Variants in MDGA2 observed in about 807,000 individuals in gnomAD.
MDGA2 encodes the protein MAM domain containing glycosylphosphatidylinositol anchor 2, also known as MAM domain-containing glycosylphosphatidylinositol anchor protein 2.
MDGA2 carries 40 observed loss-of-function variants against 117.8 expected under a neutral mutation model. The observed-to-expected ratio is 0.34, with a 90% CI of 0.26 to 0.44. The LOEUF (loss-of-function observed/expected upper bound fraction) is 0.44, where lower values mean the gene tolerates loss of function less well. Among genes scored for constraint, MDGA2 ranks in the 20% least tolerant of loss-of-function variants. MDGA2 has a pLI of 1.00. For missense variants in MDGA2, 1,123 were observed against 1,250.6 expected, an observed-to-expected ratio of 0.90 and a Z score of 1.54; for synonymous variants, 452 against 439.0, an observed-to-expected ratio of 1.03 and a Z score of -0.37.
chr14:46,897,624 A>C (rs1310559313), intron 10 of MDGA2, among the ~76,000 whole-genome samples: 2 of 81,276 alleles, frequency 2.5e-5, no homozygotes, highest in African/African-American at 7.1e-5. Context: ...GAATTAATAT[A>C]TATAAAGCAC....
chr14:47,341,640 T>A (rs1890625710), intron 1 of MDGA2, among the ~76,000 whole-genome samples: 2 of 152,230 alleles, frequency 1.3e-5, no homozygotes, highest in South Asian at 4.1e-4. Context: ...AATTTAAAAA[T>A]GATCTCTGTA....
intron 3 of MDGA2, among the ~76,000 whole-genome samples, chr14:47,157,095 T>A (rs1034475279): frequency 1.6e-4 from 25 of 152,204 alleles, no homozygotes; most frequent in African/African-American, 6.0e-4. Flanking sequence ...CAGATATCAA[T>A]TCAAAAGCAC....
At chr14:47,599,480 C>G (rs1360046434) in intron 1 of MDGA2, among the ~76,000 whole-genome samples, 1 of 152,086 alleles carries the variant, frequency 6.6e-6, no homozygotes. Context: ...TAGAAAGTAG[C>G]ACTTGCTTAG....
At chr14:47,462,007 C>T (rs1893496942) in intron 1 of MDGA2, among the ~76,000 whole-genome samples, 1 of 152,142 alleles carries the variant, frequency 6.6e-6, no homozygotes, top group Admixed American at 6.5e-5. Flanking sequence ...GACAATTCAA[C>T]AGCTAACAAT....
At chr14:47,039,868 T>C (rs955240972) in intron 7 of MDGA2, among the ~76,000 whole-genome samples, 4 of 151,998 alleles carry the variant, frequency 2.6e-5, no homozygotes, top group Non-Finnish European at 4.4e-5. Flanking sequence ...TTGTATCTAA[T>C]TTTTATATAT....
intron 3 of MDGA2, among the ~76,000 whole-genome samples, chr14:47,209,004 G>T (rs1594723836): frequency 6.7e-6 from 1 of 149,052 alleles, no homozygotes; most frequent in South Asian, 2.1e-4. Context: ...GTTTTTATAA[G>T]AGTAACAACC....
At chr14:47,176,633 C>T (rs1214940001) in intron 3 of MDGA2, among the ~76,000 whole-genome samples, 2 of 152,098 alleles carry the variant, frequency 1.3e-5, no homozygotes, top group East Asian at 1.9e-4. Flanking sequence ...TTCCTTACAC[C>T]TTATACAAAA....
intron 7 of MDGA2, among the ~76,000 whole-genome samples, chr14:47,056,561 T>A (rs1889682488): frequency 6.6e-6 from 1 of 152,158 alleles, no homozygotes; most frequent in Non-Finnish European, 1.5e-5. Context: ...AGATGTCTCA[T>A]CATGGGAATT....
At chr14:47,268,444 T>G (rs901396145) in intron 2 of MDGA2, among the ~76,000 whole-genome samples, 16 of 152,138 alleles carry the variant, frequency 1.1e-4, no homozygotes, top group African/African-American at 3.9e-4. Flanking sequence ...TTAAAAAGAA[T>G]GATACTAAAA....
chr14:46,969,465 C>G (rs900979700), intron 8 of MDGA2, among the ~76,000 whole-genome samples: 5 of 152,152 alleles, frequency 3.3e-5, no homozygotes, highest in South Asian at 2.1e-4. Flanking sequence ...GATGATATCT[C>G]ATTGTGGTTT....
rs1217679946 is a variant in MDGA2, at chr14:47,670,663, A to G, written c.280+3854T>C. ...CATTCCAATTCTTGAAGCTACATCG[A>G]TTAGTTATCCTAAATCTAATGAAAT... On this transcript the variant is annotated intron_variant, in intron 1 of 16. Coordinates refer to ENST00000399232, the MANE Select transcript of MDGA2 (RefSeq NM_001113498.3). Among the ~76,000 whole-genome samples the G allele has an allele frequency of 2.0e-5, 3 of 152,170 alleles. 1 individual carries two copies. Among genetic ancestry groups the G allele is most frequent in the Non-Finnish European group, 4.4e-5 (3 of 68,004 alleles).
intron 1 of MDGA2, among the ~76,000 whole-genome samples, chr14:47,401,404 G>A (rs1002394723): frequency 1.8e-4 from 28 of 152,112 alleles, no homozygotes; most frequent in African/African-American, 6.5e-4. Context: ...AAGGGGAGGG[G>A]GAGAGAAAAC....
At chr14:47,042,172 T>C (rs1038159264) in intron 7 of MDGA2, among the ~76,000 whole-genome samples, 2 of 152,066 alleles carry the variant, frequency 1.3e-5, no homozygotes, top group African/African-American at 2.4e-5. Flanking sequence ...ACTTCAGAGA[T>C]ACTATGTTTA....
intron 1 of MDGA2, among the ~76,000 whole-genome samples, chr14:47,569,014 A>G (rs1487808830): frequency 2.0e-5 from 3 of 151,654 alleles, no homozygotes. Flanking sequence ...TTACTATCAC[A>G]TTTATTGTCA....
intron 1 of MDGA2, among the ~76,000 whole-genome samples, chr14:47,488,349 G>A (rs202229043): frequency 2.0e-5 from 3 of 152,070 alleles, no homozygotes; most frequent in African/African-American, 7.2e-5. Context: ...GAAGCAAATG[G>A]TCTGTGCATT....
intron 1 of MDGA2, among the ~76,000 whole-genome samples, chr14:47,339,787 G>C (rs566692606): frequency 6.6e-6 from 1 of 152,064 alleles, no homozygotes; most frequent in African/African-American, 2.4e-5. Flanking sequence ...GGGGATTCCT[G>C]TATAGCAACA....
intron 3 of MDGA2, among the ~76,000 whole-genome samples, chr14:47,170,511 G>C (rs891287322): frequency 2.4e-4 from 36 of 152,088 alleles, no homozygotes; most frequent in African/African-American, 8.2e-4. Context: ...TAGTTTCTCA[G>C]AGATGTTGAG....
intron 1 of MDGA2, among the ~76,000 whole-genome samples, chr14:47,577,163 G>C (rs535042032): frequency 6.6e-6 from 1 of 152,052 alleles, no homozygotes; most frequent in Non-Finnish European, 1.5e-5. Context: ...GTAGAAATAA[G>C]CTGCTTGACA....
chr14:47,059,605 A>T (rs1358641100), intron 7 of MDGA2, among the ~76,000 whole-genome samples: 2 of 152,082 alleles, frequency 1.3e-5, no homozygotes. Flanking sequence ...CCTGTATATA[A>T]TGCTGCTTTC....
Sources: gnomAD v4.1 joint callset for allele counts (sites outside exome capture counted in the v4.1 genomes callset) on GRCh38, gnomAD v4.1.1 for gene constraint, MANE v1.5 for transcripts, NCBI Gene and HGNC (gene_info 2026-07-23, HGNC 2026-07-21) for gene names.